Variants in B3GAT2 observed in about 807,000 individuals in gnomAD.
B3GAT2 encodes beta-1,3-glucuronyltransferase 2, also known as galactosylgalactosylxylosylprotein 3-beta-glucuronosyltransferase 2.
A neutral mutation model predicts 27.8 loss-of-function variants in B3GAT2; 26 were observed. The observed-to-expected ratio is 0.93, with a 90% confidence interval of 0.68 to 1.30. The LOEUF (loss-of-function observed/expected upper bound fraction) is 1.30. Among genes scored for constraint, B3GAT2 ranks in the 50% most tolerant of loss-of-function variants. The pLI, the probability that B3GAT2 is intolerant of heterozygous loss-of-function variation, is 0.00. For synonymous variants in B3GAT2, 218 were observed against 195.1 expected, an observed-to-expected ratio of 1.12 and a Z score of -0.98; for missense variants, 458 against 459.0, an observed-to-expected ratio of 1.00 and a Z score of 0.02.
intron 1 of B3GAT2, among the ~76,000 whole-genome samples, chr6:70,914,243 A>G (rs140270174): frequency 2.0e-5 from 3 of 152,158 alleles, no homozygotes; most frequent in African/African-American, 7.2e-5. Flanking sequence ...TCAACTCGTC[A>G]TTTACATTAG....
intron 2 of B3GAT2, among the ~76,000 whole-genome samples, chr6:70,868,455 C>T (rs1771886250): frequency 6.6e-6 from 1 of 152,218 alleles, no homozygotes; most frequent in Non-Finnish European, 1.5e-5. Context: ...TTTAGCCTCA[C>T]CTCCATAGGC....
At chr6:70,908,457 C>T (rs529130009) in intron 1 of B3GAT2, among the ~76,000 whole-genome samples, 1 of 152,020 alleles carries the variant, frequency 6.6e-6, no homozygotes, top group African/African-American at 2.4e-5. Flanking sequence ...TTCTAATTTC[C>T]AAAATAAGTA....
At chr6:70,947,453 C>T (rs1388887363) in intron 1 of B3GAT2, among the ~76,000 whole-genome samples, 2 of 152,090 alleles carry the variant, frequency 1.3e-5, no homozygotes, top group Non-Finnish European at 2.9e-5. Flanking sequence ...CTACAAACAC[C>T]TCTACGCAAA....
chr6:70,894,355 A>G, intron 1 of B3GAT2, 83 bp from the exon 2 acceptor site: 1 of 1,395,026 alleles, frequency 7.2e-7, no homozygotes, highest in Non-Finnish European at 9.6e-7. Context: ...TAGAAGAAGT[A>G]GGGCTGGTAG....
intron 1 of B3GAT2, among the ~76,000 whole-genome samples, chr6:70,934,318 AGGGGCAGGTTCTCCAT>A (rs1443876098): frequency 2.0e-5 from 3 of 152,100 alleles, no homozygotes; most frequent in Non-Finnish European, 2.9e-5. Context: ...CCACTTGGAT[AGGGGCAGGTTCTCCAT>A]GCTTCTCTCT....
At chr6:70,927,883 T>C (rs113349552) in intron 1 of B3GAT2, among the ~76,000 whole-genome samples, 5 of 152,130 alleles carry the variant, frequency 3.3e-5, no homozygotes, top group Non-Finnish European at 7.4e-5. Flanking sequence ...CAGAATATAC[T>C]TTCTTCTCAG....
At chr6:70,876,334 T>A (rs768685755) in intron 2 of B3GAT2, among the ~76,000 whole-genome samples, 13 of 152,212 alleles carry the variant, frequency 8.5e-5, no homozygotes, top group Non-Finnish European at 1.9e-4. Flanking sequence ...GCTATGTTGG[T>A]TTCTGACTGG....
chr6:70,903,534 G>C (rs1217771669), intron 1 of B3GAT2, among the ~76,000 whole-genome samples: 1 of 152,016 alleles, frequency 6.6e-6, no homozygotes, highest in African/African-American at 2.4e-5. Context: ...AATTAAAAAA[G>C]TCAGTGAAAG....
chr6:70,902,631 T>TACAC (rs1182910631), intron 1 of B3GAT2, among the ~76,000 whole-genome samples: 99 of 142,656 alleles, frequency 6.9e-4, no homozygotes, highest in African/African-American at 2.5e-3. Flanking sequence ...TATATATATA[T>TACAC]ATATATACAC....
chr6:70,885,945 C>G (rs604821), intron 2 of B3GAT2, among the ~76,000 whole-genome samples: 50,548 of 152,086 alleles, frequency 0.33, 13,097 homozygotes, highest in African/African-American at 0.7. Flanking sequence ...CTGTGATAAT[C>G]AAACAAAACA....
At chr6:70,866,475 G>T (rs1771853193) in intron 2 of B3GAT2, among the ~76,000 whole-genome samples, 1 of 152,120 alleles carries the variant, frequency 6.6e-6, no homozygotes, top group South Asian at 2.1e-4. Flanking sequence ...CTCTCATCCA[G>T]TATCTAGCAA....
intron 1 of B3GAT2, among the ~76,000 whole-genome samples, chr6:70,908,686 T>C (rs576057572): frequency 3.6e-4 from 54 of 152,030 alleles, no homozygotes; most frequent in Middle Eastern, 3.2e-3. Flanking sequence ...AGCATAAACA[T>C]TGGAATAGAT....
chr6:70,903,542 A>C (rs1217893867), intron 1 of B3GAT2, among the ~76,000 whole-genome samples: 1 of 152,166 alleles, frequency 6.6e-6, no homozygotes, highest in African/African-American at 2.4e-5. Context: ...AAGTCAGTGA[A>C]AGATATGAAT....
At chr6:70,896,763 G>C (rs1373170110) in intron 1 of B3GAT2, among the ~76,000 whole-genome samples, 1 of 152,102 alleles carries the variant, frequency 6.6e-6, no homozygotes, top group African/African-American at 2.4e-5. Flanking sequence ...TTTACTGGAT[G>C]GTATTCTATT....
intron 1 of B3GAT2, among the ~76,000 whole-genome samples, chr6:70,938,738 T>C (rs1765338399): frequency 1.3e-5 from 2 of 152,006 alleles, no homozygotes; most frequent in African/African-American, 2.4e-5. Context: ...CCTTACACCT[T>C]ATACAAAAAT....
intron 1 of B3GAT2, among the ~76,000 whole-genome samples, chr6:70,920,159 G>A (rs1304536641): frequency 1.3e-5 from 2 of 152,174 alleles, no homozygotes; most frequent in Non-Finnish European, 2.9e-5. Context: ...CCAAGCTCCA[G>A]CATCCCAGGT....
chr6:70,943,346 A>G (rs373834941), intron 1 of B3GAT2, among the ~76,000 whole-genome samples: 18 of 152,266 alleles, frequency 1.2e-4, no homozygotes, highest in African/African-American at 4.3e-4. Flanking sequence ...TGGTGAGGAG[A>G]ACCAAGGCTC....
chr6:70,924,051 T>C (rs1184283666), intron 1 of B3GAT2, among the ~76,000 whole-genome samples: 1 of 152,152 alleles, frequency 6.6e-6, no homozygotes, highest in Non-Finnish European at 1.5e-5. Flanking sequence ...ATTTGAGTGA[T>C]GGATACCATA....
chr6:70,861,784 C>G, intron 3 of B3GAT2, 35 bp from the exon 4 acceptor site: 2 of 1,614,034 alleles, frequency 1.2e-6, no homozygotes, highest in Non-Finnish European at 1.7e-6. Context: ...GTAGCGCACT[C>G]TTCATGGTGA....
Sources: gnomAD v4.1 joint callset for allele counts (sites outside exome capture counted in the v4.1 genomes callset) on GRCh38, gnomAD v4.1.1 for gene constraint, MANE v1.5 for transcripts, NCBI Gene and HGNC (gene_info 2026-07-23, HGNC 2026-07-21) for gene names.